UBE2E2: variants seen among roughly 807,000 people sequenced by gnomAD.
The protein encoded by UBE2E2 is ubiquitin conjugating enzyme E2 E2.
Under a neutral mutation model 24.7 loss-of-function variants are expected in UBE2E2, and 6 were observed. The ratio of observed to expected loss-of-function variants is 0.24; its 90% CI spans 0.13 to 0.48. The LOEUF is 0.48. Among genes scored for constraint, UBE2E2 ranks in the 20% least tolerant of loss-of-function variants. The pLI, the probability that UBE2E2 is intolerant of heterozygous loss-of-function variation, is 0.99. For synonymous variants in UBE2E2, 104 were observed against 83.6 expected, an observed-to-expected ratio of 1.24 and a Z score of -1.33; for missense variants, 169 against 245.0, an observed-to-expected ratio of 0.69 and a Z score of 2.07.
chr3:23,458,195 T>C (rs1389996639), intron 3 of UBE2E2, among the ~76,000 whole-genome samples: 1 of 152,024 alleles, frequency 6.6e-6, no homozygotes, highest in Non-Finnish European at 1.5e-5. Context: ...TAGAGGCTAT[T>C]GTAGACCTAA....
intron 3 of UBE2E2, among the ~76,000 whole-genome samples, chr3:23,438,716 A>G (rs555722366): frequency 6.6e-6 from 1 of 152,324 alleles, no homozygotes; most frequent in African/African-American, 2.4e-5. Context: ...TATTTACTAA[A>G]TTAGATATTG....
chr3:23,527,705 A>G (rs754884924), intron 4 of UBE2E2, among the ~76,000 whole-genome samples: 19 of 152,124 alleles, frequency 1.2e-4, no homozygotes, highest in Non-Finnish European at 2.2e-4. Context: ...AATCATGCCT[A>G]CATAATGAAG....
chr3:23,211,220 A>G (rs1404695720), intron 2 of UBE2E2, among the ~76,000 whole-genome samples: 1 of 152,160 alleles, frequency 6.6e-6, no homozygotes, highest in Non-Finnish European at 1.5e-5. Flanking sequence ...ATTAAAAGTT[A>G]GAGGTAGTTT....
At chr3:23,435,386 G>A (rs1698156854) in intron 3 of UBE2E2, among the ~76,000 whole-genome samples, 1 of 152,180 alleles carries the variant, frequency 6.6e-6, no homozygotes, top group Non-Finnish European at 1.5e-5. Context: ...AAGTTACTTG[G>A]TGTGAGGTCT....
intron 3 of UBE2E2, among the ~76,000 whole-genome samples, chr3:23,221,869 C>T (rs1001916350): frequency 6.6e-6 from 1 of 151,890 alleles, no homozygotes; most frequent in Non-Finnish European, 1.5e-5. Context: ...ACTTGATTAC[C>T]CAAGTATTTC....
At chr3:23,397,645 G>T (rs903016423) in intron 3 of UBE2E2, among the ~76,000 whole-genome samples, 3 of 152,096 alleles carry the variant, frequency 2.0e-5, no homozygotes, top group Admixed American at 1.3e-4. Flanking sequence ...CTACATTTTG[G>T]TGTCTGGCTT....
intron 4 of UBE2E2, among the ~76,000 whole-genome samples, chr3:23,510,217 T>C (rs966523652): frequency 6.6e-6 from 1 of 152,154 alleles, no homozygotes; most frequent in African/African-American, 2.4e-5. Flanking sequence ...TTAGAGAAGA[T>C]AGGACCACCT....
At chr3:23,370,148 C>T (rs1315813009) in intron 3 of UBE2E2, among the ~76,000 whole-genome samples, 1 of 152,062 alleles carries the variant, frequency 6.6e-6, no homozygotes, top group Non-Finnish European at 1.5e-5. Flanking sequence ...TTTTAGTGGC[C>T]CTAAGAAGCC....
At position 23,589,660 on chromosome 3, in the gene UBE2E2, C is replaced by T; in HGVS notation, c.509-74C>T. ...CTTCTCATCTCCTACCCTCCCACTC[C>T]TTGCCAGCTTTCTGAACACTTCTTC... On this transcript the variant is annotated intron_variant, in intron 5 of 5. Transcript: ENST00000396703. This position sits in a 1 kb window ranked among gnomAD's most constrained non-coding sequence, Gnocchi z 4.1. 6.6e-7 allele frequency: 1 copy of T among 1,523,650 alleles called. No homozygotes were observed. The allele number at this position is 1,523,650 out of a possible 1,614,324, so 94.4% of individuals were successfully genotyped here.
At chr3:23,221,579 AT>A (rs1164855532) in intron 3 of UBE2E2, among the ~76,000 whole-genome samples, 3 of 151,548 alleles carry the variant, frequency 2.0e-5, no homozygotes, top group Non-Finnish European at 2.9e-5. Context: ...GGCTTTTAAA[AT>A]TTTTTTTACA....
At chr3:23,462,646 G>A (rs35763885) in intron 3 of UBE2E2, among the ~76,000 whole-genome samples, 1,609 of 152,228 alleles carry the variant, frequency 0.011, 19 homozygotes, top group Non-Finnish European at 0.018. Context: ...GGTGCTACAA[G>A]GCTGAAGAAA....
chr3:23,313,787 C>T (rs1200042121), intron 3 of UBE2E2, among the ~76,000 whole-genome samples: 4 of 151,994 alleles, frequency 2.6e-5, no homozygotes, highest in Non-Finnish European at 5.9e-5. Flanking sequence ...TTGCTCCTGC[C>T]GTTTTGTTAC....
At chr3:23,329,846 C>T (rs1026176947) in intron 3 of UBE2E2, among the ~76,000 whole-genome samples, 2 of 152,220 alleles carry the variant, frequency 1.3e-5, no homozygotes, top group Non-Finnish European at 2.9e-5. Flanking sequence ...AATTTGTACT[C>T]TTCCCTTTTA....
At chr3:23,402,300 A>G (rs1045547296) in intron 3 of UBE2E2, among the ~76,000 whole-genome samples, 11 of 152,256 alleles carry the variant, frequency 7.2e-5, no homozygotes, top group African/African-American at 2.7e-4. Context: ...ATGTCACACC[A>G]GGACAAGTTA....
intron 3 of UBE2E2, among the ~76,000 whole-genome samples, chr3:23,376,944 C>A (rs970443576): frequency 6.6e-6 from 1 of 152,096 alleles, no homozygotes; most frequent in Non-Finnish European, 1.5e-5. Flanking sequence ...AGAAAACACT[C>A]CAGCTTCTTC....
chr3:23,257,022 T>C (rs903967291), intron 3 of UBE2E2, among the ~76,000 whole-genome samples: 1 of 152,270 alleles, frequency 6.6e-6, no homozygotes, highest in African/African-American at 2.4e-5. Context: ...CACCAACATA[T>C]TCATTTCTCC....
chr3:23,388,562 T>C (rs1696860365), intron 3 of UBE2E2, among the ~76,000 whole-genome samples: 1 of 152,246 alleles, frequency 6.6e-6, no homozygotes, highest in East Asian at 1.9e-4. Context: ...ATTTTTTCAT[T>C]TTATTGCAAA....
At chr3:23,296,207 A>G (rs1312551453) in intron 3 of UBE2E2, among the ~76,000 whole-genome samples, 5 of 151,926 alleles carry the variant, frequency 3.3e-5, no homozygotes, top group Admixed American at 3.3e-4. Context: ...TCATGATCTT[A>G]TTGTTTTAAA....
At chr3:23,316,486 A>G (rs546665424) in intron 3 of UBE2E2, among the ~76,000 whole-genome samples, 1 of 151,858 alleles carries the variant, frequency 6.6e-6, no homozygotes, top group South Asian at 2.1e-4. Flanking sequence ...ATGCTGCCAC[A>G]CTTGCAATTC....
Sources: allele counts gnomAD v4.1 joint callset (sites outside exome capture counted in the v4.1 genomes callset), GRCh38; gene constraint gnomAD v4.1.1; non-coding constraint Gnocchi (gnomAD v3.1); transcripts MANE v1.5; gene names NCBI Gene and HGNC (gene_info 2026-07-23, HGNC 2026-07-21).